HK3: variants seen among roughly 807,000 people sequenced by gnomAD.
HK3 encodes the protein hexokinase-3.
Under a neutral mutation model 91.0 loss-of-function variants are expected in HK3, and 93 were observed. That is an observed-to-expected ratio of 1.02 (90% CI 0.86 to 1.21). The LOEUF (loss-of-function observed/expected upper bound fraction) is 1.21. Ranked by LOEUF, HK3 falls within the 50% of genes most tolerant of loss-of-function variation. The pLI is 0.00. For synonymous variants in HK3, 519 were observed against 516.9 expected, an observed-to-expected ratio of 1.00 and a Z score of -0.06; for missense variants, 1,235 against 1,247.4, an observed-to-expected ratio of 0.99 and a Z score of 0.15.
In HK3 at chr5:176,891,002, C is replaced by T. The variant is rs1342443691; in HGVS notation, c.414+35G>A. The T allele has an allele frequency of 7.4e-6, 12 of 1,613,864 alleles. No individual in the cohort carries two copies. In the Middle Eastern group the frequency reaches 5.0e-4, roughly 67 times the overall value. On this transcript the variant is annotated intron_variant, in intron 4 of 18. Coordinates refer to ENST00000292432, the MANE Select transcript of HK3 (RefSeq NM_002115.3). The stretch of plus-strand genomic sequence containing the variant: ...CTGAGCCCTAGCCACCCAGCCAGGC[C>T]CCCAGACCCCAGAGGCTGGGCAGTG...
rs142308218 is a variant in HK3 at position 176,881,716 on chromosome 5, G to A, written c.2369C>T (p.Thr790Ile). ...CCTTTCGATCTCAGAGAGGAACTTGGTCTTGAAGATGTCCCTGGTCTGAAG... is the reference window on the plus strand; with the variant it reads ...CCTTTCGATCTCAGAGAGGAACTTGATCTTGAAGATGTCCCTGGTCTGAAG... ...QRLQTRDIFK[T>I]KFLSEIESDS... The change falls in exon 17 of 19, where the codon ACC becomes ATC. Residue 790 changes from threonine to isoleucine, a missense_variant. Transcript: ENST00000292432. 2.5e-6 allele frequency: 4 copies of A among 1,613,990 alleles called. No homozygotes were observed. The highest frequency in any genetic ancestry group is 3.4e-6 in the Non-Finnish European group (4 of 1,180,038).
intron 15 of HK3, among the ~76,000 whole-genome samples, chr5:176,883,467 C>G (rs969781321): frequency 6.6e-6 from 1 of 152,136 alleles, no homozygotes; most frequent in Non-Finnish European, 1.5e-5. Flanking sequence ...TGCCCAAGGT[C>G]ATACAGGTGG....
chr5:176,896,115 G>T lies in HK3; in HGVS notation c.45C>A (p.Thr15=), dbSNP rs148458604. The T allele has an allele frequency of 1.5e-4, 245 of 1,612,988 alleles. No homozygotes were observed. In the African/African-American group the frequency reaches 2.7e-3, roughly 18 times the overall value. Residue 15 remains threonine, a synonymous_variant, in exon 2 of 19, where the codon ACC becomes ACA. Transcript: ENST00000292432. ...GSSGLRQGEE[T]LSCSEEGLPG... is the part of the protein sequence containing the mutation. Reference sequence around the variant, plus strand: ...GCAAGCCCTCCTCAGAGCAACTCAGGGTTTCTTCCCCCTGCCGCAACCCTG... The same window carrying T: ...GCAAGCCCTCCTCAGAGCAACTCAGTGTTTCTTCCCCCTGCCGCAACCCTG...
chr5:176,883,758 G>A lies in HK3; in HGVS notation c.2053+12C>T. On this transcript the variant is annotated intron_variant, in intron 15 of 18. Transcript: ENST00000292432. ...AAGCAGTAGGGGCATGAAAGGGCAG[G>A]GCCCTCCTCACCGACAATGAGGCCT... 1 of 1,603,492 alleles carries A rather than the reference G, an allele frequency of 6.2e-7. No individual in the cohort carries two copies. The highest frequency in any genetic ancestry group is 8.5e-7 in the Non-Finnish European group (1 of 1,170,674).
intron 15 of HK3, among the ~76,000 whole-genome samples, chr5:176,883,486 A>C (rs763158269): frequency 2.5e-4 from 38 of 152,294 alleles, no homozygotes; most frequent in Non-Finnish European, 5.4e-4. Context: ...GGAAACACAA[A>C]GCTAGTATTT....
chr5:176,888,180 T>C, intron 10 of HK3, 152 bp downstream of exon 10: 1 of 679,212 alleles, frequency 1.5e-6, no homozygotes, highest in Admixed American at 2.6e-5. Flanking sequence ...TTGGATGTCT[T>C]CTGGCCTCCC....
rs1260886728 is a variant in HK3, at chr5:176,881,006, A to C, written c.*67T>G. On this transcript the variant is annotated 3_prime_UTR_variant, in exon 19 of 19. Coordinates refer to ENST00000292432, the MANE Select transcript of HK3 (RefSeq NM_002115.3). ...TCCTGGGTGGCTGGGCCTGGCTGGG[A>C]AACAGGCAGACCCCGACCCGGCTCC... 1 of 1,502,314 alleles carries C rather than the reference A, an allele frequency of 6.7e-7. No homozygotes were observed. Among genetic ancestry groups the C allele is most frequent in the Non-Finnish European group, 8.9e-7 (1 of 1,126,962 alleles). 93.1% of individuals were successfully genotyped at this position (1,502,314 alleles called of 1,614,324 possible). A position where few individuals can be genotyped will look rare whatever the true frequency, so the allele number is the denominator to read the frequency against.
chr5:176,893,158 A>G (rs1260523932), intron 2 of HK3, among the ~76,000 whole-genome samples: 1 of 152,182 alleles, frequency 6.6e-6, no homozygotes, highest in African/African-American at 2.4e-5. Flanking sequence ...AAATATGGAA[A>G]CGGAGACTCC....
Position 176,887,772 on chromosome 5 carries a change from G to T in HK3, c.1305-26C>A. On this transcript the variant is annotated intron_variant, in intron 10 of 18. Coordinates refer to ENST00000292432, the MANE Select transcript of HK3 (RefSeq NM_002115.3). The surrounding 1 kb of genome is among the most constrained non-coding windows in gnomAD (Gnocchi z 4.9). ...CTACAGATACATACAGGTGCACCCGGCTTGGCCCTGGACCCCCAGACACAC... is the reference window on the plus strand; with the variant it reads ...CTACAGATACATACAGGTGCACCCGTCTTGGCCCTGGACCCCCAGACACAC... The T allele has an allele frequency of 6.3e-7, 1 of 1,576,868 alleles. No homozygotes were observed.
chr5:176,881,232 CTGAG>C lies in HK3; in HGVS notation c.2628-19_2628-16del. ...GGCTGGAGAAGCTGTGAGAGGAGGG[CTGAG>C]GTGAGCCCAGGCCACCAGCCCCACC... On this transcript the variant is annotated splice_polypyrimidine_tract_variant and intron_variant, in intron 18 of 18. Transcript: ENST00000292432. 1 of 1,613,172 alleles carries C rather than the reference CTGAG, an allele frequency of 6.2e-7. No individual in the cohort carries two copies. The highest frequency in any genetic ancestry group is 2.2e-5 in the East Asian group (1 of 44,874).
At position 176,884,139 on chromosome 5, in the gene HK3, G is replaced by A. The variant is rs1358451472; in HGVS notation, c.1858-5C>T. ...GGTCCAGTTCAGGAGGATGCCCTGG[G>A]GTGAGACCGAGAGGAAGTGGCAGGA... On this transcript the variant is annotated splice_region_variant and splice_polypyrimidine_tract_variant and intron_variant, in intron 13 of 18. Coordinates refer to ENST00000292432, the MANE Select transcript of HK3 (RefSeq NM_002115.3). This position sits in a 1 kb window ranked among gnomAD's most constrained non-coding sequence, Gnocchi z 4.1. 12 of 1,613,222 alleles carry A rather than the reference G, an allele frequency of 7.4e-6. No individual in the cohort carries two copies. Among genetic ancestry groups the A allele is most frequent in the Non-Finnish European group, 1.0e-5 (12 of 1,179,286 alleles).
At chr5:176,892,352 C>A (rs77818227) in intron 2 of HK3, among the ~76,000 whole-genome samples, 4,106 of 152,164 alleles carry the variant, frequency 0.027, 200 homozygotes, top group African/African-American at 0.094. Flanking sequence ...AGGGAACAAG[C>A]CATTCGAAGA....
intron 13 of HK3, among the ~76,000 whole-genome samples, chr5:176,886,496 A>C (rs913952918): frequency 6.6e-6 from 1 of 151,922 alleles, no homozygotes; most frequent in Non-Finnish European, 1.5e-5. Flanking sequence ...CGGTGTGCAC[A>C]TTGAGAAGTC....
rs763084624 is a variant in HK3 at position 176,882,082 on chromosome 5, G to A, written c.2099C>T (p.Ala700Val). The change falls in exon 16 of 19, where the codon GCG becomes GTG. Residue 700 changes from alanine (A) to valine (V), a missense_variant. Transcript: ENST00000292432. The stretch of plus-strand genomic sequence containing the variant: ...GCGGCCTGAGTCCCCAGGCACGCCC[G>A]CCACATTCCGGAGCTCCTCCATGTA... ...ACYMEELRNV[A>V]GVPGDSGRMC... is the part of the protein sequence containing the mutation. The A allele has an allele frequency of 7.4e-6, 12 of 1,613,004 alleles. No homozygotes were observed. The highest frequency in any genetic ancestry group is 2.2e-5 in the South Asian group (2 of 91,082).
intron 1 of HK3, among the ~76,000 whole-genome samples, chr5:176,898,070 A>T (rs1026172467): frequency 3.3e-5 from 5 of 151,962 alleles, no homozygotes; most frequent in African/African-American, 1.2e-4. Flanking sequence ...ATGCAATTGG[A>T]TCTCAGGCTC....
In HK3 at chr5:176,881,005, G is replaced by T; in HGVS notation, c.*68C>A. The T allele has an allele frequency of 1.3e-6, 2 of 1,499,716 alleles. No homozygotes were observed. Among genetic ancestry groups the T allele is most frequent in the Non-Finnish European group, 8.9e-7 (1 of 1,125,144 alleles). The allele number at this position is 1,499,716 out of a possible 1,614,324, so 92.9% of individuals were successfully genotyped here. ...GTCCTGGGTGGCTGGGCCTGGCTGG[G>T]AAACAGGCAGACCCCGACCCGGCTC... On this transcript the variant is annotated 3_prime_UTR_variant, in exon 19 of 19. Transcript: ENST00000292432.
rs955215279 is a variant in HK3, at chr5:176,881,334, C to T, written c.2595G>A (p.Gly865=). Residue 865 remains glycine, a synonymous_variant, in exon 18 of 19, where the codon GGG becomes GGA. Transcript: ENST00000292432. The part of the protein sequence containing the change: ...RGLEELAVSV[G]VDGTLYKLHP... ...GCAGCTTGTAGAGCGTTCCATCCACCCCCACAGACACTGCCAGCTCTTCCA... is the reference window on the plus strand; with the variant it reads ...GCAGCTTGTAGAGCGTTCCATCCACTCCCACAGACACTGCCAGCTCTTCCA... 6.2e-7 allele frequency: 1 copy of T among 1,613,904 alleles called. No individual in the cohort carries two copies. The highest frequency in any genetic ancestry group is 1.3e-5 in the African/African-American group (1 of 74,914).
chr5:176,889,988 G>T (rs956696181), intron 6 of HK3, among the ~76,000 whole-genome samples: 1 of 151,770 alleles, frequency 6.6e-6, no homozygotes, highest in African/African-American at 2.4e-5. Context: ...TCACAGTGAC[G>T]TCCACCCTCA....
rs142158922 is a variant in HK3, at chr5:176,881,176, G to T, written c.2669C>A (p.Pro890His). ...CTGCAGGAACGTGACCACACAGCGA[G>T]GGGCCAGCTCCCGCACTGTGGCCGC... ...LVAATVRELA[P>H]RCVVTFLQSE... Residue 890 changes from proline to histidine, a missense_variant, in exon 19 of 19, where the codon CCT becomes CAT. By Grantham distance (77) the Pro-to-His change is moderately conservative. Around this residue, in one of 3 missense-constraint regions of HK3, gnomAD observed 513 missense variants for 477.4 expected, o/e 1.07. Coordinates refer to ENST00000292432, the MANE Select transcript of HK3 (RefSeq NM_002115.3). 657 of 1,613,046 alleles carry T rather than the reference G, an allele frequency of 4.1e-4. No individual in the cohort carries two copies. The highest frequency in any genetic ancestry group is 5.3e-4 in the Non-Finnish European group (620 of 1,179,956).
Sources: allele counts gnomAD v4.1 joint callset (sites outside exome capture counted in the v4.1 genomes callset), GRCh38; gene constraint gnomAD v4.1.1; regional missense constraint gnomAD v4.1.1; non-coding constraint Gnocchi (gnomAD v3.1); transcripts MANE v1.5; gene names NCBI Gene and HGNC (gene_info 2026-07-23, HGNC 2026-07-21).